The following MBD5 variants were observed in gnomAD, a reference collection of about 807,000 sequenced individuals.
The protein encoded by MBD5 is methyl-CpG-binding domain protein 5.
A neutral mutation model predicts 117.3 loss-of-function variants in MBD5; 13 were observed. The ratio of observed to expected loss-of-function variants is 0.11; its 90% CI spans 0.07 to 0.18. The LOEUF is 0.18. MBD5 is among the 10% of genes least tolerant of loss of function. The pLI, the probability that MBD5 is intolerant of heterozygous loss-of-function variation, is 1.00. For synonymous variants in MBD5, 727 were observed against 766.4 expected (o/e 0.95, Z 0.85); for missense variants, 1,879 against 2,093.8 (o/e 0.90, Z 2.00).
At chr2:148,373,952 A>T (rs559841163) in intron 4 of MBD5, among the ~76,000 whole-genome samples, 3 of 152,272 alleles carry the variant, frequency 2.0e-5, no homozygotes, top group South Asian at 4.1e-4. Context: ...AATGCCCCAA[A>T]ATCAGAAACT....
chr2:148,050,680 T>A (rs1307333940), intron 1 of MBD5, among the ~76,000 whole-genome samples: 4 of 152,144 alleles, frequency 2.6e-5, no homozygotes, highest in Non-Finnish European at 5.9e-5. Context: ...CCCATTGAAT[T>A]GCCCTAGCAC....
At chr2:148,197,717 T>C (rs1188291619) in intron 2 of MBD5, among the ~76,000 whole-genome samples, 9 of 152,152 alleles carry the variant, frequency 5.9e-5, no homozygotes, top group Non-Finnish European at 1.2e-4. Context: ...TTATATGTGA[T>C]TTAGTGTTTT....
intron 1 of MBD5, among the ~76,000 whole-genome samples, chr2:148,133,753 G>A (rs1697107329): frequency 6.6e-6 from 1 of 152,098 alleles, no homozygotes; most frequent in Admixed American, 6.6e-5. Context: ...AACCCGGGAG[G>A]TGGAGGTTGC....
chr2:148,299,273 A>G (rs13422826), intron 3 of MBD5, among the ~76,000 whole-genome samples: 1,918 of 152,006 alleles, frequency 0.013, 39 homozygotes, highest in African/African-American at 0.043. Context: ...GATTCCAGGC[A>G]TGCACCACCA....
At chr2:148,111,572 G>A (rs1011377736) in intron 1 of MBD5, among the ~76,000 whole-genome samples, 1 of 152,070 alleles carries the variant, frequency 6.6e-6, no homozygotes, top group African/African-American at 2.4e-5. Flanking sequence ...ATAGATTATA[G>A]ATTATATCAC....
At chr2:148,112,777 A>G (rs907934458) in intron 1 of MBD5, among the ~76,000 whole-genome samples, 4 of 152,132 alleles carry the variant, frequency 2.6e-5, no homozygotes, top group Non-Finnish European at 2.9e-5. Flanking sequence ...AAAAAATTCA[A>G]TCTGGACTCA....
intron 3 of MBD5, among the ~76,000 whole-genome samples, chr2:148,242,609 G>C (rs1357085469): frequency 6.6e-6 from 1 of 152,086 alleles, no homozygotes; most frequent in Non-Finnish European, 1.5e-5. Context: ...TCTGATTTTA[G>C]AGTCAGATGG....
chr2:148,398,477 T>C (rs920201790), intron 4 of MBD5, among the ~76,000 whole-genome samples: 5 of 152,228 alleles, frequency 3.3e-5, no homozygotes, highest in African/African-American at 1.2e-4. Flanking sequence ...TTCATATCCT[T>C]AGCCCACTTT....
At position 148,468,598 on chromosome 2, in the gene MBD5, G is replaced by A. The variant is rs368093794; in HGVS notation, c.655G>A (p.Gly219Arg). 1.9e-6 allele frequency: 3 copies of A among 1,613,778 alleles called. No individual in the cohort carries two copies. The African/African-American group carries it at 4.0e-5, about 22-fold the overall frequency. Residue 219 changes from glycine to arginine, a missense_variant, in exon 8 of 14, where the codon GGA becomes AGA. Transcript: ENST00000642680. ...GAAATCTCCATTCCGTGGCAGCCAT[G>A]GAGGCCTGCCCAGCCCAGCGTCATC... ...GQKSPFRGSH[G>R]GLPSPASSGS...
At chr2:148,274,943 G>A (rs559774552) in intron 3 of MBD5, among the ~76,000 whole-genome samples, 50 of 152,066 alleles carry the variant, frequency 3.3e-4, no homozygotes, top group South Asian at 1.5e-3. Flanking sequence ...GACTGGTCTC[G>A]AACTCCTCAG....
intron 2 of MBD5, among the ~76,000 whole-genome samples, chr2:148,199,558 C>T (rs1699083551): frequency 6.6e-6 from 1 of 151,970 alleles, no homozygotes; most frequent in South Asian, 2.1e-4. Flanking sequence ...CACTTGAGGC[C>T]AGAGTTTGAG....
chr2:148,411,403 G>C (rs1207485645), intron 4 of MBD5, among the ~76,000 whole-genome samples: 1 of 151,432 alleles, frequency 6.6e-6, no homozygotes, highest in Non-Finnish European at 1.5e-5. Context: ...TCTGTTTTAT[G>C]TTCTTTGAGA....
At chr2:148,385,943 A>G (rs576536899) in intron 4 of MBD5, among the ~76,000 whole-genome samples, 1 of 129,836 alleles carries the variant, frequency 7.7e-6, no homozygotes, top group African/African-American at 2.9e-5. Flanking sequence ...GGGAACATCA[A>G]ACACTGGGGA....
chr2:148,480,843 A>C (rs139212734), intron 8 of MBD5, among the ~76,000 whole-genome samples: 2 of 152,062 alleles, frequency 1.3e-5, no homozygotes, highest in Non-Finnish European at 2.9e-5. Flanking sequence ...AGTTTTTAAG[A>C]TCTCATTCTT....
At chr2:148,113,836 T>TA (rs1410157111) in intron 1 of MBD5, among the ~76,000 whole-genome samples, 5 of 152,186 alleles carry the variant, frequency 3.3e-5, no homozygotes, top group African/African-American at 1.2e-4. Flanking sequence ...AAAGAGGAAA[T>TA]AAAAATCACA....
At chr2:148,337,141 G>A (rs1702818100) in intron 3 of MBD5, among the ~76,000 whole-genome samples, 1 of 152,118 alleles carries the variant, frequency 6.6e-6, no homozygotes, top group South Asian at 2.1e-4. Context: ...CCAGTGCTCA[G>A]TTACCTTAAT....
intron 12 of MBD5, among the ~76,000 whole-genome samples, chr2:148,507,801 A>G (rs1682086797): frequency 6.6e-6 from 1 of 151,870 alleles, no homozygotes. Flanking sequence ...GACATTTTTT[A>G]ATAAATAACA....
intron 4 of MBD5, among the ~76,000 whole-genome samples, chr2:148,387,869 A>G (rs952270874): frequency 3.9e-5 from 6 of 152,200 alleles, no homozygotes; most frequent in African/African-American, 7.2e-5. Context: ...AAACATCTAA[A>G]TAGTTTATAC....
intron 1 of MBD5, among the ~76,000 whole-genome samples, chr2:148,169,947 G>T (rs1287796585): frequency 2.0e-5 from 3 of 150,714 alleles, no homozygotes; most frequent in Non-Finnish European, 4.4e-5. Flanking sequence ...GCCCAGGCTG[G>T]AGTGCAGTGG....
Sources: gnomAD v4.1 joint callset for allele counts (sites outside exome capture counted in the v4.1 genomes callset) on GRCh38, gnomAD v4.1.1 for gene constraint, MANE v1.5 for transcripts, NCBI Gene and HGNC (gene_info 2026-07-23, HGNC 2026-07-21) for gene names.